SNTG2: variants seen among roughly 807,000 people sequenced by gnomAD.
SNTG2 encodes syntrophin gamma 2, also known as gamma-2-syntrophin.
SNTG2 carries 74 observed loss-of-function variants against 70.9 expected under a neutral mutation model. That is an observed-to-expected ratio of 1.04 (90% CI 0.86 to 1.27). The LOEUF is 1.27. SNTG2 is among the 50% of genes most tolerant of loss of function. The probability of loss-of-function intolerance (pLI) is 0.00; values close to 1 mark genes in which losing one functional copy is unlikely to be tolerated. For synonymous variants in SNTG2, 278 were observed against 273.8 expected (o/e 1.02, Z -0.15); for missense variants, 717 against 690.7 (o/e 1.04, Z -0.43).
At chr2:1,241,680 G>T (rs888445314) in intron 11 of SNTG2, among the ~76,000 whole-genome samples, 2 of 152,106 alleles carry the variant, frequency 1.3e-5, no homozygotes, top group Non-Finnish European at 2.9e-5. Flanking sequence ...TGAAATAATG[G>T]TTCAGAGAAA....
chr2:1,229,433 C>T (rs1676033880), intron 9 of SNTG2, among the ~76,000 whole-genome samples: 1 of 152,154 alleles, frequency 6.6e-6, no homozygotes, highest in African/African-American at 2.4e-5. Flanking sequence ...TGTTTACAAA[C>T]CTTGAGCTAG....
chr2:1,155,502 T>A (rs12714389), intron 6 of SNTG2, among the ~76,000 whole-genome samples: 118,609 of 151,926 alleles, frequency 0.78, 47,164 homozygotes, highest in Non-Finnish European at 0.86. Context: ...CAGCCAGTAA[T>A]TTCAGAAGGT....
intron 15 of SNTG2, among the ~76,000 whole-genome samples, chr2:1,309,556 G>A (rs1680876453): frequency 1.3e-5 from 2 of 152,384 alleles, no homozygotes; most frequent in East Asian, 1.9e-4. Context: ...GGCACCTGCA[G>A]GGTGGAGCCC....
chr2:1,367,534 T>C lies in SNTG2; in HGVS notation c.*60T>C. On this transcript the variant is annotated 3_prime_UTR_variant, in exon 17 of 17. Coordinates refer to ENST00000308624, the MANE Select transcript of SNTG2 (RefSeq NM_018968.4). ...ATTTTCGTAAGAAATGATTCTTTCC[T>C]GCAGAATATTGCAACTTTGTGTTGT... 2.0e-6 allele frequency: 3 copies of C among 1,520,138 alleles called. No individual in the cohort carries two copies. The highest frequency in any genetic ancestry group is 2.7e-6 in the Non-Finnish European group (3 of 1,126,244). 94.2% of individuals were successfully genotyped at this position (1,520,138 alleles called of 1,614,324 possible). A position where few individuals can be genotyped will look rare whatever the true frequency, so the allele number is the denominator to read the frequency against.
At chr2:1,137,517 C>CACAT (rs1668471566) in intron 4 of SNTG2, 105 bp from the exon 5 acceptor site, 14 of 1,179,650 alleles carry the variant, frequency 1.2e-5, no homozygotes, top group Non-Finnish European at 1.6e-5. Context: ...CACACACACA[C>CACAT]GTGGCCACTT....
At chr2:1,062,243 A>G (rs772293967) in intron 1 of SNTG2, among the ~76,000 whole-genome samples, 1 of 152,204 alleles carries the variant, frequency 6.6e-6, no homozygotes, top group African/African-American at 2.4e-5. Context: ...AAATTTGAAC[A>G]TGATCAAGCC....
intron 1 of SNTG2, among the ~76,000 whole-genome samples, chr2:959,477 A>G (rs1276577017): frequency 1.3e-5 from 2 of 152,068 alleles, no homozygotes; most frequent in Non-Finnish European, 2.9e-5. Context: ...CCATGTTGGC[A>G]GGAGGAAGGG....
At chr2:1,252,920 A>ATT in intron 12 of SNTG2, among the ~76,000 whole-genome samples, 1 of 152,162 alleles carries the variant, frequency 6.6e-6, no homozygotes. Flanking sequence ...ATGTATTAAT[A>ATT]TTTTTTCTGG....
rs562752265 is a variant in SNTG2 at position 1,211,193 on chromosome 2, A to G, written c.719+1963A>G. 2.6e-5 allele frequency among the ~76,000 whole-genome samples: 4 copies of G among 152,290 alleles called. No individual in the cohort carries two copies. In the South Asian group the frequency reaches 6.2e-4, roughly 24 times the overall value. On this transcript the variant is annotated intron_variant, in intron 9 of 16. Coordinates refer to ENST00000308624, the MANE Select transcript of SNTG2 (RefSeq NM_018968.4). ...TGTGTGCTTGTGGCTTTCTTACAAC[A>G]TGTTTCTTTGGTTTGGGGTTAATTT...
chr2:1,158,755 C>T (rs138077455), intron 6 of SNTG2, among the ~76,000 whole-genome samples: 20 of 152,170 alleles, frequency 1.3e-4, no homozygotes, highest in African/African-American at 2.4e-4. Context: ...TGTAAGGCTG[C>T]GGCATGGTGA....
chr2:999,184 A>G (rs1194724173), intron 1 of SNTG2, among the ~76,000 whole-genome samples: 2 of 152,136 alleles, frequency 1.3e-5, no homozygotes, highest in Non-Finnish European at 2.9e-5. Flanking sequence ...ATAAAAGCAT[A>G]CAAAAGTAGA....
chr2:989,268 A>T (rs554453179), intron 1 of SNTG2, among the ~76,000 whole-genome samples: 83 of 152,282 alleles, frequency 5.5e-4, no homozygotes, highest in African/African-American at 2.0e-3. Flanking sequence ...TAAAATGTTA[A>T]AAAGACAAGA....
intron 14 of SNTG2, among the ~76,000 whole-genome samples, chr2:1,293,802 A>G (rs1198868184): frequency 1.3e-5 from 2 of 152,164 alleles, no homozygotes; most frequent in Non-Finnish European, 2.9e-5. Context: ...TGATATCTAC[A>G]TGGGAGAAGT....
chr2:1,123,605 T>C (rs1667515542), intron 4 of SNTG2, among the ~76,000 whole-genome samples: 1 of 152,270 alleles, frequency 6.6e-6, no homozygotes, highest in African/African-American at 2.4e-5. Context: ...ATAAAACTCC[T>C]AGAAGAGAAC....
chr2:1,137,799 A>G lies in SNTG2; in HGVS notation c.401A>G (p.His134Arg). Residue 134 changes from histidine (H) to arginine (R), a missense_variant, in exon 6 of 17, where the codon CAT becomes CGT. Physicochemically the swap from His to Arg is conservative, Grantham distance 29. Coordinates refer to ENST00000308624, the MANE Select transcript of SNTG2 (RefSeq NM_018968.4). ...GGCATACATGTAGAAAATGCAACTC[A>G]TGAAGAAGTGGTAAGTGAATTACAT... ...VNGIHVENAT[H>R]EEVVHLLRNA... The G allele has an allele frequency of 1.2e-6, 2 of 1,612,568 alleles. No individual in the cohort carries two copies. The highest frequency in any genetic ancestry group is 1.7e-6 in the Non-Finnish European group (2 of 1,179,098).
intron 9 of SNTG2, among the ~76,000 whole-genome samples, chr2:1,218,397 T>C (rs1674536165): frequency 1.3e-5 from 2 of 152,168 alleles, no homozygotes; most frequent in South Asian, 4.1e-4. Flanking sequence ...CTCTGCCTGC[T>C]CTAGTGTCTC....
intron 1 of SNTG2, among the ~76,000 whole-genome samples, chr2:1,030,710 A>C (rs1660766449): frequency 6.6e-6 from 1 of 152,202 alleles, no homozygotes; most frequent in East Asian, 1.9e-4. Flanking sequence ...AATAAGTAAA[A>C]ATATGTTGGC....
chr2:1,230,437 T>A (rs1310654279), intron 9 of SNTG2, among the ~76,000 whole-genome samples: 5 of 152,198 alleles, frequency 3.3e-5, no homozygotes, highest in Non-Finnish European at 2.9e-5. Context: ...CTGTGAGTGA[T>A]GCCTTCACCT....
intron 1 of SNTG2, among the ~76,000 whole-genome samples, chr2:1,070,015 C>T (rs1265420091): frequency 2.6e-5 from 4 of 152,152 alleles, no homozygotes; most frequent in African/African-American, 7.2e-5. Context: ...CGGCCCCCCA[C>T]GTGTTTCTGC....
Sources: gnomAD v4.1 joint callset for allele counts (sites outside exome capture counted in the v4.1 genomes callset) on GRCh38, gnomAD v4.1.1 for gene constraint, MANE v1.5 for transcripts, NCBI Gene and HGNC (gene_info 2026-07-23, HGNC 2026-07-21) for gene names.